GRIK1: variants seen among roughly 807,000 people sequenced by gnomAD.
GRIK1 encodes glutamate receptor ionotropic, kainate 1.
In GRIK1, 69 loss-of-function variants were observed where a neutral mutation model predicts 105.7. The ratio of observed to expected loss-of-function variants is 0.65; its 90% CI spans 0.54 to 0.80. The LOEUF (loss-of-function observed/expected upper bound fraction) is 0.80. Among genes scored for constraint, GRIK1 ranks in the 30% least tolerant of loss-of-function variants. The pLI, the probability that GRIK1 is intolerant of heterozygous loss-of-function variation, is 0.00. For synonymous variants in GRIK1, 438 were observed against 431.3 expected, an observed-to-expected ratio of 1.02 and a Z score of -0.19; for missense variants, 1,109 against 1,167.3, an observed-to-expected ratio of 0.95 and a Z score of 0.73.
At chr21:29,559,359 T>A (rs1351543212) in intron 15 of GRIK1, among the ~76,000 whole-genome samples, 1 of 152,186 alleles carries the variant, frequency 6.6e-6, no homozygotes, top group Non-Finnish European at 1.5e-5. Context: ...CAAAAAGAGG[T>A]ATAATATCCT....
At chr21:29,659,699 G>A (rs911459368) in intron 4 of GRIK1, among the ~76,000 whole-genome samples, 4 of 152,174 alleles carry the variant, frequency 2.6e-5, no homozygotes, top group Non-Finnish European at 4.4e-5. Flanking sequence ...GGTGGCTCAC[G>A]CTTGTAATCC....
At chr21:29,751,877 G>A (rs751756807) in intron 1 of GRIK1, among the ~76,000 whole-genome samples, 46 of 152,078 alleles carry the variant, frequency 3.0e-4, no homozygotes, top group Non-Finnish European at 4.7e-4. Flanking sequence ...GTTTTCTTTC[G>A]AGACGCTAGC....
chr21:29,589,713 C>G (rs1164564719), intron 10 of GRIK1, among the ~76,000 whole-genome samples: 1 of 152,086 alleles, frequency 6.6e-6, no homozygotes, highest in Non-Finnish European at 1.5e-5. Context: ...TGTGAGCCAC[C>G]AAGCCCGGAC....
intron 10 of GRIK1, among the ~76,000 whole-genome samples, chr21:29,590,232 A>G (rs2061313279): frequency 1.3e-5 from 2 of 152,214 alleles, no homozygotes; most frequent in Non-Finnish European, 2.9e-5. Context: ...GAAAGTAGTA[A>G]CCAGAAGAGC....
At chr21:29,585,679 G>T (rs2091116114) in intron 12 of GRIK1, among the ~76,000 whole-genome samples, 1 of 152,062 alleles carries the variant, frequency 6.6e-6, no homozygotes, top group Non-Finnish European at 1.5e-5. Flanking sequence ...TCCGGGCAGA[G>T]GTATGCAACA....
intron 1 of GRIK1, among the ~76,000 whole-genome samples, chr21:29,906,238 C>T (rs2070634590): frequency 6.6e-6 from 1 of 152,126 alleles, no homozygotes; most frequent in South Asian, 2.1e-4. Flanking sequence ...TGCTACAAAA[C>T]CAGGCTTTGT....
intron 1 of GRIK1, among the ~76,000 whole-genome samples, chr21:29,730,804 C>G (rs1223434173): frequency 1.3e-5 from 2 of 152,074 alleles, no homozygotes; most frequent in African/African-American, 4.8e-5. Context: ...TTAGCCTACA[C>G]TTTTGTCCTA....
Position 29,900,443 on chromosome 21 carries a change from C to T in GRIK1, c.118+38940G>A, listed in dbSNP as rs559958808. 4.3e-5 allele frequency among the ~76,000 whole-genome samples: 5 copies of T among 116,622 alleles called. No individual in the cohort carries two copies. The South Asian group carries it at 1.2e-3, about 28-fold the overall frequency. The allele number at this position is 116,622 out of a possible 152,430, so 76.5% of individuals were successfully genotyped here. A position where few individuals can be genotyped will look rare whatever the true frequency, so the allele number is the denominator to read the frequency against. ...AAATAAAGGGATGAAGGAAGATCTA[C>T]CAAACAAATGGAAAGCAAGAAAAAA... On this transcript the variant is annotated intron_variant, in intron 1 of 17. Transcript: ENST00000327783.
chr21:29,759,369 C>T (rs2065447103), intron 1 of GRIK1, among the ~76,000 whole-genome samples: 1 of 152,148 alleles, frequency 6.6e-6, no homozygotes, highest in African/African-American at 2.4e-5. Context: ...CCGCCCGCCT[C>T]GGCCTCCTAA....
intron 1 of GRIK1, among the ~76,000 whole-genome samples, chr21:29,916,652 A>G (rs529357616): frequency 6.6e-6 from 1 of 152,074 alleles, no homozygotes; most frequent in African/African-American, 2.4e-5. Flanking sequence ...CAAAGCAACA[A>G]ACAGTTCTCT....
chr21:29,678,200 C>G (rs1297248456), intron 3 of GRIK1, among the ~76,000 whole-genome samples: 1 of 151,998 alleles, frequency 6.6e-6, no homozygotes, highest in Non-Finnish European at 1.5e-5. Flanking sequence ...TTAATGTACC[C>G]AAATCTAATA....
intron 1 of GRIK1, among the ~76,000 whole-genome samples, chr21:29,721,601 CA>C (rs140389060): frequency 0.054 from 7,336 of 136,984 alleles, 256 homozygotes; most frequent in East Asian, 0.1. Flanking sequence ...GAATACATAC[CA>C]AAAAAAAAAA....
chr21:29,913,523 A>T (rs1179691675), intron 1 of GRIK1, among the ~76,000 whole-genome samples: 1 of 151,980 alleles, frequency 6.6e-6, no homozygotes, highest in African/African-American at 2.4e-5. Context: ...TTAAAGTAAC[A>T]TACATTTCTT....
chr21:29,866,717 A>G (rs1206801013), intron 1 of GRIK1, among the ~76,000 whole-genome samples: 1 of 152,230 alleles, frequency 6.6e-6, no homozygotes, highest in Non-Finnish European at 1.5e-5. Flanking sequence ...ATTAAAAAGC[A>G]TGTTGAAATA....
At chr21:29,830,940 G>A (rs536517366) in intron 1 of GRIK1, among the ~76,000 whole-genome samples, 1 of 152,130 alleles carries the variant, frequency 6.6e-6, no homozygotes, top group East Asian at 1.9e-4. Flanking sequence ...ACAAACAAAG[G>A]TCACCATAAT....
chr21:29,828,798 C>T (rs2067547177), intron 1 of GRIK1, among the ~76,000 whole-genome samples: 1 of 152,128 alleles, frequency 6.6e-6, no homozygotes, highest in Non-Finnish European at 1.5e-5. Context: ...CACATCCAGC[C>T]TCCTATTTTC....
At chr21:29,696,395 A>G (rs2063702319) in intron 1 of GRIK1, among the ~76,000 whole-genome samples, 1 of 152,220 alleles carries the variant, frequency 6.6e-6, no homozygotes. Flanking sequence ...CGTAAGGAAA[A>G]ATGTTGCTGT....
At chr21:29,598,162 T>C (rs1328181872) in intron 8 of GRIK1, among the ~76,000 whole-genome samples, 1 of 152,212 alleles carries the variant, frequency 6.6e-6, no homozygotes, top group Non-Finnish European at 1.5e-5. Context: ...GTAAAATATA[T>C]TGAGGAGCCA....
At chr21:29,593,390 G>A (rs2061359991) in intron 9 of GRIK1, among the ~76,000 whole-genome samples, 2 of 152,214 alleles carry the variant, frequency 1.3e-5, no homozygotes, top group South Asian at 4.2e-4. Context: ...TCTTAATCTG[G>A]CTTTAGACTC....
Sources: allele counts gnomAD v4.1 joint callset (sites outside exome capture counted in the v4.1 genomes callset), GRCh38; gene constraint gnomAD v4.1.1; transcripts MANE v1.5; gene names NCBI Gene and HGNC (gene_info 2026-07-23, HGNC 2026-07-21).